The following ASAP2 variants were observed in gnomAD, a reference collection of about 807,000 sequenced individuals.
ASAP2 encodes ArfGAP with SH3 domain, ankyrin repeat and PH domain 2.
ASAP2 carries 45 observed loss-of-function variants against 131.4 expected under a neutral mutation model. That is an observed-to-expected ratio of 0.34 (90% CI 0.27 to 0.44). ASAP2 has a LOEUF of 0.44. Ranked by LOEUF, ASAP2 falls within the 20% of genes least tolerant of loss-of-function variation. The probability of loss-of-function intolerance (pLI) is 1.00; values close to 1 mark genes in which losing one functional copy is unlikely to be tolerated. For synonymous variants in ASAP2, 510 were observed against 503.0 expected, an observed-to-expected ratio of 1.01 and a Z score of -0.19; for missense variants, 1,011 against 1,297.0, an observed-to-expected ratio of 0.78 and a Z score of 3.39.
At chr2:9,218,751 T>A (rs1027200187) in intron 1 of ASAP2, among the ~76,000 whole-genome samples, 5 of 152,388 alleles carry the variant, frequency 3.3e-5, no homozygotes, top group Admixed American at 2.6e-4. Flanking sequence ...CCATGTCTGC[T>A]GCTGTCTGCA....
rs943479462 is a variant in ASAP2, at chr2:9,263,963, G to A, written c.127-15354G>A. On this transcript the variant is annotated intron_variant, in intron 1 of 27. Transcript: ENST00000281419. ...TCCCAGCACTTTAGGAGGCCAAGGC[G>A]GGCGGATCAGTTGAGGTCAGGAGTT... Among the ~76,000 whole-genome samples the A allele has an allele frequency of 2.6e-5, 4 of 152,030 alleles. No homozygotes were observed. The South Asian group carries it at 8.3e-4, about 32-fold the overall frequency.
rs768114555 is a variant in ASAP2 at position 9,401,379 on chromosome 2, G to A, written c.2929G>A (p.Glu977Lys). The change falls in exon 27 of 28, where the codon GAG becomes AAG. Residue 977 changes from glutamate (E) to lysine (K), a missense_variant. By Grantham distance (56) the Glu-to-Lys change is moderately conservative (BLOSUM62 1). Transcript: ENST00000281419. The part of the protein sequence containing the change: ...EGDVIIVDGE[E>K]DQEWWIGHID... The stretch of plus-strand genomic sequence containing the variant: ...GGATGTGATCATCGTGGACGGGGAG[G>A]AGGACCAGGAGTGGTGGGTGAGTCA... 1.2e-6 allele frequency: 2 copies of A among 1,613,584 alleles called. No individual in the cohort carries two copies. Among genetic ancestry groups the A allele is most frequent in the South Asian group, 2.2e-5 (2 of 91,068 alleles).
intron 5 of ASAP2, among the ~76,000 whole-genome samples, chr2:9,321,968 T>A (rs1670174337): frequency 6.6e-6 from 1 of 152,208 alleles, no homozygotes; most frequent in Non-Finnish European, 1.5e-5. Flanking sequence ...AGGTTTTAGA[T>A]GTCTTTAAAA....
intron 1 of ASAP2, among the ~76,000 whole-genome samples, chr2:9,210,872 C>T (rs977827812): frequency 6.6e-6 from 1 of 150,428 alleles, no homozygotes; most frequent in Non-Finnish European, 1.5e-5. Context: ...AGTTTGTTGT[C>T]AGGCCAGGTG....
intron 24 of ASAP2, among the ~76,000 whole-genome samples, chr2:9,398,574 G>A (rs992562130): frequency 2.6e-5 from 4 of 152,090 alleles, no homozygotes; most frequent in East Asian, 3.9e-4. Flanking sequence ...TTGGGAGGCC[G>A]AGGTGGGCAG....
chr2:9,386,559 T>G (rs577325751), intron 21 of ASAP2, among the ~76,000 whole-genome samples: 1 of 152,342 alleles, frequency 6.6e-6, no homozygotes, highest in South Asian at 2.1e-4. Context: ...CACCTGATTC[T>G]CAGCAGACAG....
chr2:9,304,240 G>A (rs1448358777), intron 3 of ASAP2, among the ~76,000 whole-genome samples: 1 of 152,168 alleles, frequency 6.6e-6, no homozygotes, highest in Non-Finnish European at 1.5e-5. Context: ...TGTCAAATGT[G>A]TGTAGGACAT....
chr2:9,393,682 TCCTGCCCTCTGACCTCA>T, intron 24 of ASAP2, 35 bp downstream of exon 24: 2 of 1,538,620 alleles, frequency 1.3e-6, no homozygotes, highest in Admixed American at 2.0e-5. Flanking sequence ...CCATCCGTGC[TCCTGCCCTCTGACCTCA>T]CCTGCCCAGG....
chr2:9,345,730 C>T (rs879488556), intron 11 of ASAP2, among the ~76,000 whole-genome samples: 12 of 152,140 alleles, frequency 7.9e-5, no homozygotes, highest in Non-Finnish European at 1.6e-4. Flanking sequence ...CCCCTTGTCC[C>T]TCCAGTCCCT....
chr2:9,252,545 G>A (rs1432787715), intron 1 of ASAP2, among the ~76,000 whole-genome samples: 4 of 152,028 alleles, frequency 2.6e-5, no homozygotes, highest in African/African-American at 4.8e-5. Flanking sequence ...CTGCATTCCA[G>A]CCTGGGCGAC....
At chr2:9,348,908 A>T (rs1472670171) in intron 11 of ASAP2, among the ~76,000 whole-genome samples, 1 of 152,170 alleles carries the variant, frequency 6.6e-6, no homozygotes, top group Non-Finnish European at 1.5e-5. Flanking sequence ...CCTTCCATGG[A>T]TACCCACGTC....
intron 2 of ASAP2, among the ~76,000 whole-genome samples, chr2:9,291,993 A>C (rs2148368339): frequency 6.6e-6 from 1 of 152,240 alleles, no homozygotes; most frequent in East Asian, 1.9e-4. Context: ...TGGGAGGAAG[A>C]GCACTGGACT....
At chr2:9,395,783 A>T (rs10202068) in intron 24 of ASAP2, among the ~76,000 whole-genome samples, 7,827 of 149,918 alleles carry the variant, frequency 0.052, 519 homozygotes, top group African/African-American at 0.14. Flanking sequence ...AATTTTTTAT[A>T]TTTTTAGTAG....
intron 2 of ASAP2, among the ~76,000 whole-genome samples, chr2:9,294,993 T>C (rs1668065793): frequency 6.6e-6 from 1 of 152,178 alleles, no homozygotes; most frequent in Admixed American, 6.5e-5. Context: ...GAAACTAAAC[T>C]GCCCATGTCT....
chr2:9,277,213 T>A (rs1239737682), intron 1 of ASAP2, among the ~76,000 whole-genome samples: 2 of 152,196 alleles, frequency 1.3e-5, no homozygotes, highest in African/African-American at 4.8e-5. Context: ...GTCTGACATG[T>A]GGTCTAAGCT....
At chr2:9,260,721 G>T (rs1191940247) in intron 1 of ASAP2, among the ~76,000 whole-genome samples, 4 of 152,102 alleles carry the variant, frequency 2.6e-5, no homozygotes, top group Admixed American at 2.6e-4. Flanking sequence ...GGGGAATGGG[G>T]TCAAGTCTTT....
intron 3 of ASAP2, among the ~76,000 whole-genome samples, chr2:9,299,624 G>A (rs1333146490): frequency 1.3e-5 from 2 of 152,170 alleles, no homozygotes; most frequent in African/African-American, 2.4e-5. Flanking sequence ...AAGTCCCAGC[G>A]GGGCTGCCAA....
chr2:9,376,523 A>T (rs2148721957), intron 17 of ASAP2, among the ~76,000 whole-genome samples: 1 of 152,382 alleles, frequency 6.6e-6, no homozygotes, highest in Middle Eastern at 3.4e-3. Flanking sequence ...TTTCTACTCA[A>T]GGAGCAGGTA....
intron 17 of ASAP2, 139 bp from the exon 18 acceptor site, chr2:9,376,769 G>A: frequency 1.4e-6 from 1 of 733,790 alleles, no homozygotes; most frequent in Non-Finnish European, 2.3e-6. Context: ...AGAGATTAAA[G>A]AGACTCTATG....
Sources: allele counts gnomAD v4.1 joint callset (sites outside exome capture counted in the v4.1 genomes callset), GRCh38; gene constraint gnomAD v4.1.1; transcripts MANE v1.5; gene names NCBI Gene and HGNC (gene_info 2026-07-23, HGNC 2026-07-21).